Variants in CREB5 observed in about 807,000 individuals in gnomAD.
CREB5 encodes cyclic AMP-responsive element-binding protein 5.
Under a neutral mutation model 57.1 loss-of-function variants are expected in CREB5, and 19 were observed. The observed-to-expected ratio is 0.33, with a 90% CI of 0.23 to 0.49. The LOEUF (loss-of-function observed/expected upper bound fraction) is 0.49. Among genes scored for constraint, CREB5 ranks in the 20% least tolerant of loss-of-function variants. The pLI is 0.99. For missense variants in CREB5, 579 were observed against 671.6 expected (o/e 0.86, Z 1.52); for synonymous variants, 238 against 238.3 (o/e 1.00, Z 0.01).
At chr7:28,400,428 A>G (rs1018843476) in intron 1 of CREB5, among the ~76,000 whole-genome samples, 12 of 152,234 alleles carry the variant, frequency 7.9e-5, no homozygotes, top group African/African-American at 2.9e-4. Flanking sequence ...AGACTTTGAC[A>G]TAGCATTAAA....
In CREB5 at chr7:28,465,625, C is replaced by T. The variant is rs553481850; in HGVS notation, c.4-22550C>T. Among the ~76,000 whole-genome samples, 10 of 152,276 alleles carry T rather than the reference C, an allele frequency of 6.6e-5. No homozygotes were observed. In the South Asian group the frequency reaches 1.7e-3, roughly 25 times the overall value. On this transcript the variant is annotated intron_variant, in intron 1 of 10. Coordinates refer to ENST00000357727, the MANE Select transcript of CREB5 (RefSeq NM_182898.4). ...TGATAGTGTGACCTCAGTCATTTTA[C>T]TTTCCCTCTCTAAGTCTCAGATTCG...
intron 3 of CREB5, among the ~76,000 whole-genome samples, chr7:28,496,057 C>A (rs1015614004): frequency 2.1e-4 from 32 of 151,870 alleles, no homozygotes; most frequent in African/African-American, 7.5e-4. Flanking sequence ...ACTTATTGAA[C>A]CTTTTTGGGC....
chr7:28,458,516 T>G (rs909855790), intron 1 of CREB5, among the ~76,000 whole-genome samples: 1 of 152,238 alleles, frequency 6.6e-6, no homozygotes, highest in African/African-American at 2.4e-5. Context: ...GGCCCTTTAC[T>G]ATTACTGAAC....
At chr7:28,435,569 A>T (rs921859543) in intron 1 of CREB5, 10 of 929,326 alleles carry the variant, frequency 1.1e-5, no homozygotes, top group Non-Finnish European at 1.3e-5. Flanking sequence ...CATCATCTTC[A>T]TCAGGAGAAA....
intron 1 of CREB5, among the ~76,000 whole-genome samples, chr7:28,439,228 G>C (rs1789085794): frequency 6.6e-6 from 1 of 152,148 alleles, no homozygotes; most frequent in Admixed American, 6.5e-5. Context: ...TCAACCCTCT[G>C]TTGGTTCTTC....
chr7:28,639,210 C>G (rs1562542333), intron 5 of CREB5, among the ~76,000 whole-genome samples: 1 of 152,186 alleles, frequency 6.6e-6, no homozygotes. Context: ...AATCTTATCT[C>G]TGTTTGGCCT....
At chr7:28,529,538 C>T (rs1793630270) in intron 4 of CREB5, among the ~76,000 whole-genome samples, 1 of 152,200 alleles carries the variant, frequency 6.6e-6, no homozygotes, top group African/African-American at 2.4e-5. Flanking sequence ...TGCAATTACT[C>T]AAGAGTAAGA....
intron 1 of CREB5, among the ~76,000 whole-genome samples, chr7:28,328,203 A>C (rs1785644728): frequency 6.6e-6 from 1 of 152,216 alleles, no homozygotes; most frequent in Non-Finnish European, 1.5e-5. Flanking sequence ...GCAACTTTTC[A>C]TGACTGCATT....
At chr7:28,745,402 T>C (rs1583658527) in intron 7 of CREB5, among the ~76,000 whole-genome samples, 1 of 152,226 alleles carries the variant, frequency 6.6e-6, no homozygotes, top group African/African-American at 2.4e-5. Context: ...TTTATTTGGC[T>C]GCATTCTTAG....
intron 1 of CREB5, among the ~76,000 whole-genome samples, chr7:28,463,872 A>G (rs1790449622): frequency 6.6e-6 from 1 of 152,154 alleles, no homozygotes; most frequent in South Asian, 2.1e-4. Flanking sequence ...CTGTGAATAG[A>G]GATAGTTTTA....
chr7:28,317,394 T>C (rs577414625), intron 1 of CREB5, among the ~76,000 whole-genome samples: 73 of 152,336 alleles, frequency 4.8e-4, no homozygotes, highest in African/African-American at 1.7e-3. Context: ...GGGTATCCCA[T>C]AAACTTCAAA....
At chr7:28,483,502 G>C (rs1791424043) in intron 1 of CREB5, among the ~76,000 whole-genome samples, 1 of 152,118 alleles carries the variant, frequency 6.6e-6, no homozygotes. Flanking sequence ...TTAAAATCAG[G>C]AGGCATTTTT....
intron 1 of CREB5, among the ~76,000 whole-genome samples, chr7:28,358,764 G>C (rs911075228): frequency 4.6e-5 from 7 of 152,154 alleles, no homozygotes; most frequent in African/African-American, 1.7e-4. Context: ...TTGTGAGTCA[G>C]TCCTCCCTCT....
intron 1 of CREB5, among the ~76,000 whole-genome samples, chr7:28,360,062 G>C (rs1346134616): frequency 6.6e-6 from 1 of 152,158 alleles, no homozygotes; most frequent in African/African-American, 2.4e-5. Flanking sequence ...ATTCTCAAAA[G>C]ATGAAAGATA....
chr7:28,364,432 GA>G (rs1415229589), intron 1 of CREB5, among the ~76,000 whole-genome samples: 1 of 152,150 alleles, frequency 6.6e-6, no homozygotes, highest in Non-Finnish European at 1.5e-5. Flanking sequence ...CAAAAACGTT[GA>G]GTGTCAACAA....
intron 5 of CREB5, among the ~76,000 whole-genome samples, chr7:28,657,337 G>T (rs1035106335): frequency 3.9e-5 from 6 of 152,066 alleles, no homozygotes; most frequent in Non-Finnish European, 8.8e-5. Flanking sequence ...GATAATTCTC[G>T]CCAGTGATAT....
chr7:28,706,818 T>C (rs927065741), intron 5 of CREB5, among the ~76,000 whole-genome samples: 2 of 152,178 alleles, frequency 1.3e-5, no homozygotes, highest in South Asian at 2.1e-4. Context: ...CAGTGGTAGC[T>C]TGACTGTCCC....
At chr7:28,506,321 AAG>A (rs1177763916) in intron 3 of CREB5, among the ~76,000 whole-genome samples, 1 of 152,258 alleles carries the variant, frequency 6.6e-6, no homozygotes, top group African/African-American at 2.4e-5. Context: ...GGAATTTATA[AAG>A]AGAATGCAGG....
intron 1 of CREB5, among the ~76,000 whole-genome samples, chr7:28,423,477 T>G (rs1235433425): frequency 1.3e-5 from 2 of 152,082 alleles, no homozygotes; most frequent in Non-Finnish European, 2.9e-5. Context: ...CAAGAGATGA[T>G]GGGGGCTTGA....
Sources: gnomAD v4.1 joint callset for allele counts (sites outside exome capture counted in the v4.1 genomes callset) on GRCh38, gnomAD v4.1.1 for gene constraint, MANE v1.5 for transcripts, NCBI Gene and HGNC (gene_info 2026-07-23, HGNC 2026-07-21) for gene names.